SH3KBP1: variants seen among roughly 807,000 people sequenced by gnomAD.
The protein encoded by SH3KBP1 is SH3 domain containing kinase binding protein 1, also known as SH3 domain-containing kinase-binding protein 1.
Under a neutral mutation model 50.1 loss-of-function variants are expected in SH3KBP1, and 8 were observed. That is an observed-to-expected ratio of 0.16 (90% CI 0.09 to 0.29). SH3KBP1 has a LOEUF of 0.29. SH3KBP1 is among the 10% of genes least tolerant of loss of function. The pLI is 1.00. For synonymous variants in SH3KBP1, 227 were observed against 218.6 expected (o/e 1.04, Z -0.34); for missense variants, 377 against 535.2 (o/e 0.70, Z 2.92).
intron 2 of SH3KBP1, among the ~76,000 whole-genome samples, chrX:19,749,806 G>A (rs1471463761): frequency 1.8e-5 from 2 of 112,342 alleles, no homozygotes; most frequent in African/African-American, 3.2e-5. Context: ...AACTAAAATG[G>A]TAAATTTTAT....
intron 8 of SH3KBP1, among the ~76,000 whole-genome samples, chrX:19,626,383 T>TATGA (rs72140292): frequency 0.15 from 16,175 of 108,187 alleles, 1,127 homozygotes; most frequent in Non-Finnish European, 0.18. Flanking sequence ...TTCTTCGATG[T>TATGA]ATGAATGAAT....
chrX:19,559,777 A>G (rs1341034381), intron 13 of SH3KBP1, among the ~76,000 whole-genome samples: 1 of 111,356 alleles, frequency 9.0e-6, no homozygotes, highest in Non-Finnish European at 1.9e-5. Flanking sequence ...ACCTCCTTCA[A>G]TGTCACTGGA....
intron 3 of SH3KBP1, among the ~76,000 whole-genome samples, chrX:19,745,229 A>C (rs778707859): frequency 2.7e-5 from 3 of 112,805 alleles, no homozygotes; most frequent in Non-Finnish European, 5.6e-5. Context: ...GAATTTAACA[A>C]AACGAGAAAA....
At chrX:19,666,981 G>T (rs1294313540) in intron 6 of SH3KBP1, among the ~76,000 whole-genome samples, 1 of 112,245 alleles carries the variant, frequency 8.9e-6, no homozygotes, top group Non-Finnish European at 1.9e-5. Context: ...TAAACAAAAT[G>T]CATTATATCC....
chrX:19,721,454 G>A lies in SH3KBP1; in HGVS notation c.287-14470C>T, dbSNP rs199741160. Reference sequence around the variant, plus strand: ...TGAACTATCATTTACACTCACCCCTGCTTCAAAATTATGATCACCTCCTGA... The same window carrying A: ...TGAACTATCATTTACACTCACCCCTACTTCAAAATTATGATCACCTCCTGA... On this transcript the variant is annotated intron_variant, in intron 3 of 17. Transcript: ENST00000397821. Among the ~76,000 whole-genome samples, 3 of 111,760 alleles carry A rather than the reference G, an allele frequency of 2.7e-5. No homozygotes were observed. In the East Asian group the frequency reaches 8.3e-4, roughly 31 times the overall value.
At chrX:19,865,127 T>G (rs2068871629) in intron 1 of SH3KBP1, among the ~76,000 whole-genome samples, 1 of 112,763 alleles carries the variant, frequency 8.9e-6, no homozygotes, top group Admixed American at 9.3e-5. Flanking sequence ...AATGAGACTA[T>G]TACTTATGAA....
intron 3 of SH3KBP1, among the ~76,000 whole-genome samples, chrX:19,731,067 G>A (rs1193728405): frequency 2.7e-5 from 3 of 111,347 alleles, no homozygotes; most frequent in Non-Finnish European, 5.7e-5. Flanking sequence ...AGCCTCCCGA[G>A]TAGCTGGGAT....
intron 12 of SH3KBP1, among the ~76,000 whole-genome samples, chrX:19,572,471 T>G (rs941995825): frequency 1.9e-5 from 2 of 106,510 alleles, no homozygotes; most frequent in African/African-American, 6.9e-5. Context: ...ACATATATAC[T>G]ATATATAGTA....
At chrX:19,754,017 T>C (rs1298157478) in intron 2 of SH3KBP1, among the ~76,000 whole-genome samples, 1 of 112,495 alleles carries the variant, frequency 8.9e-6, no homozygotes, top group Non-Finnish European at 1.9e-5. Context: ...GATGGTATTT[T>C]CAGCTCAAAG....
intron 2 of SH3KBP1, among the ~76,000 whole-genome samples, chrX:19,756,978 C>T (rs2065226304): frequency 9.1e-6 from 1 of 110,157 alleles, no homozygotes; most frequent in African/African-American, 3.3e-5. Flanking sequence ...ATAACTGAGG[C>T]TGCCTCCAGG....
intron 3 of SH3KBP1, among the ~76,000 whole-genome samples, chrX:19,744,135 A>C (rs1427187046): frequency 8.9e-6 from 1 of 112,526 alleles, no homozygotes; most frequent in East Asian, 2.8e-4. Context: ...TCGATGATGG[A>C]AACAAAGGGG....
chrX:19,634,031 G>GGTGTGTGTGTGTGTGT (rs60109180), intron 7 of SH3KBP1, among the ~76,000 whole-genome samples: 11 of 32,164 alleles, frequency 3.4e-4, no homozygotes, highest in African/African-American at 8.1e-4. Flanking sequence ...TTTGTTCCCT[G>GGTGTGTGTGTGTGTGT]GTGTGTGTGT....
At chrX:19,703,923 C>T (rs998391435) in intron 4 of SH3KBP1, among the ~76,000 whole-genome samples, 3 of 110,186 alleles carry the variant, frequency 2.7e-5, no homozygotes, top group Non-Finnish European at 3.8e-5. Flanking sequence ...TTGTTTATTG[C>T]TTTTTTCTGT....
intron 2 of SH3KBP1, among the ~76,000 whole-genome samples, chrX:19,753,476 T>C (rs1301818243): frequency 9.0e-6 from 1 of 111,437 alleles, no homozygotes; most frequent in African/African-American, 3.3e-5. Flanking sequence ...CCAACATGCA[T>C]ATCTCTCCCC....
At chrX:19,596,534 T>C (rs1024426573) in intron 9 of SH3KBP1, among the ~76,000 whole-genome samples, 5 of 111,592 alleles carry the variant, frequency 4.5e-5, no homozygotes, top group African/African-American at 1.6e-4. Flanking sequence ...ACAATGAAGT[T>C]TGCCATATTG....
intron 5 of SH3KBP1, among the ~76,000 whole-genome samples, chrX:19,690,740 G>A (rs1603019330): frequency 8.9e-6 from 1 of 112,582 alleles, no homozygotes; most frequent in African/African-American, 3.2e-5. Context: ...AGTAGCATGT[G>A]CAAAACTGTA....
intron 1 of SH3KBP1, among the ~76,000 whole-genome samples, chrX:19,844,899 G>A (rs2068321969): frequency 9.0e-6 from 1 of 110,991 alleles, no homozygotes; most frequent in Non-Finnish European, 1.9e-5. Context: ...CCAAGATGGT[G>A]AAACGCCGTC....
At chrX:19,827,815 T>C (rs1306979449) in intron 2 of SH3KBP1, among the ~76,000 whole-genome samples, 1 of 86,464 alleles carries the variant, frequency 1.2e-5, no homozygotes, top group African/African-American at 4.5e-5. Flanking sequence ...TTTCATTAAA[T>C]GACTTTAAGA....
intron 1 of SH3KBP1, among the ~76,000 whole-genome samples, chrX:19,864,582 C>T (rs933403770): frequency 3.6e-5 from 4 of 111,517 alleles, no homozygotes; most frequent in African/African-American, 1.3e-4. Context: ...CCAAGGAATA[C>T]GGGCTGCCTC....
Sources: gnomAD v4.1 joint callset for allele counts (sites outside exome capture counted in the v4.1 genomes callset) on GRCh38, gnomAD v4.1.1 for gene constraint, MANE v1.5 for transcripts, NCBI Gene and HGNC (gene_info 2026-07-23, HGNC 2026-07-21) for gene names.